The following LRRC9 variants were observed in gnomAD, a reference collection of about 807,000 sequenced individuals.
The protein encoded by LRRC9 is leucine-rich repeat-containing protein 9.
LRRC9 carries 122 observed loss-of-function variants against 63.2 expected under a neutral mutation model. The observed-to-expected ratio is 1.93, with a 90% CI of 1.67 to 2.24. The LOEUF (loss-of-function observed/expected upper bound fraction) is 2.24, where lower values mean the gene tolerates loss of function less well. LRRC9 is among the 30% of genes most tolerant of loss of function. The probability of loss-of-function intolerance (pLI) is 0.00; values close to 1 mark genes in which losing one functional copy is unlikely to be tolerated. For missense variants in LRRC9, 1,071 were observed against 627.7 expected (o/e 1.71, Z -7.55); for synonymous variants, 366 against 213.1 (o/e 1.72, Z -6.25).
chr14:60,043,796 T>C (rs1019677526), intron 29 of LRRC9, among the ~76,000 whole-genome samples: 23 of 142,768 alleles, frequency 1.6e-4, no homozygotes, highest in Non-Finnish European at 3.0e-4. Context: ...TTTGTTTTGG[T>C]ATCAGGGTAA....
At position 59,975,164 on chromosome 14, in the gene LRRC9, T is replaced by C. The variant is rs1306595241; in HGVS notation, c.1639+456T>C. 8.1e-5 allele frequency among the ~76,000 whole-genome samples: 4 copies of C among 49,548 alleles called. 1 individual carries two copies. The highest frequency in any genetic ancestry group is 2.8e-4 in the Admixed American group (1 of 3,604). The allele number at this position is 49,548 out of a possible 152,430, so 32.5% of individuals were successfully genotyped here. ...ACATATATATATGTATATATATATA[T>C]GTATATATATATACACTACACACAC... On this transcript the variant is annotated intron_variant, in intron 13 of 31. Transcript: ENST00000445360.
At chr14:59,929,265 A>G (rs995757247) in intron 3 of LRRC9, among the ~76,000 whole-genome samples, 1 of 152,196 alleles carries the variant, frequency 6.6e-6, no homozygotes, top group African/African-American at 2.4e-5. Context: ...GGCAAAGGAC[A>G]TGAACAGACA....
chr14:60,010,068 G>T (rs1263893035), intron 23 of LRRC9, among the ~76,000 whole-genome samples: 2 of 152,174 alleles, frequency 1.3e-5, no homozygotes, highest in Non-Finnish European at 1.5e-5. Flanking sequence ...CAAGCTGTGG[G>T]TGGATCTACC....
intron 31 of LRRC9, among the ~76,000 whole-genome samples, 172 bp from the exon 32 acceptor site, chr14:60,061,839 A>C (rs1894674730): frequency 1.3e-5 from 2 of 152,256 alleles, no homozygotes; most frequent in Non-Finnish European, 2.9e-5. Flanking sequence ...AGTGCTAAAA[A>C]TACATTATAA....
chr14:59,955,833 C>A (rs1018206989), intron 8 of LRRC9, among the ~76,000 whole-genome samples: 1 of 152,046 alleles, frequency 6.6e-6, no homozygotes. Flanking sequence ...GATTCTGGTA[C>A]GTTGTCTCTT....
chr14:59,993,250 C>CA (rs1279838664), intron 17 of LRRC9, among the ~76,000 whole-genome samples: 1 of 152,102 alleles, frequency 6.6e-6, no homozygotes, highest in Non-Finnish European at 1.5e-5. Flanking sequence ...ACCTTACAGA[C>CA]AAGTAAATGC....
In LRRC9 at chr14:59,959,990, CAT is replaced by C. The variant is rs1309902219; in HGVS notation, c.1056_1057del (p.Phe353LeufsTer7). The C allele has an allele frequency of 1.5e-6, 1 of 671,358 alleles. No homozygotes were observed. The highest frequency in any genetic ancestry group is 2.4e-5 in the Admixed American group (1 of 42,064). The allele number at this position is 671,358 out of a possible 1,614,324, so 41.6% of individuals were successfully genotyped here. Reference sequence around the variant, plus strand: ...CTAAATGCCTTGAATGAAAGGGTAACATTCTGGAACAAAAAACTAGATGAGTA... The same window carrying C: ...CTAAATGCCTTGAATGAAAGGGTAACTCTGGAACAAAAAACTAGATGAGTA... On this transcript the variant is annotated frameshift_variant, in exon 9 of 32. Transcript: ENST00000445360. LOFTEE classifies it high-confidence loss of function.
chr14:59,945,448 T>C (rs1242749126), intron 8 of LRRC9, among the ~76,000 whole-genome samples: 1 of 151,536 alleles, frequency 6.6e-6, no homozygotes, highest in Non-Finnish European at 1.5e-5. Flanking sequence ...CTTTACCAAA[T>C]GTAAATACCA....
At chr14:59,948,321 G>A (rs1391011105) in intron 8 of LRRC9, among the ~76,000 whole-genome samples, 5 of 143,230 alleles carry the variant, frequency 3.5e-5, no homozygotes, top group Non-Finnish European at 4.5e-5. Flanking sequence ...TCTGTTGTTG[G>A]TGTATAGGAA....
chr14:59,949,853 T>C (rs1882921415), intron 8 of LRRC9, among the ~76,000 whole-genome samples: 1 of 138,018 alleles, frequency 7.2e-6, no homozygotes, highest in Non-Finnish European at 1.5e-5. Context: ...TGCACTGTGG[T>C]CTGAGAGATA....
chr14:60,038,563 T>C (rs1230754624), intron 29 of LRRC9, among the ~76,000 whole-genome samples: 1 of 152,192 alleles, frequency 6.6e-6, no homozygotes, highest in Non-Finnish European at 1.5e-5. Flanking sequence ...TTTGGCTCTC[T>C]GTTTATCTGT....
intron 7 of LRRC9, among the ~76,000 whole-genome samples, chr14:59,941,562 C>T (rs1187246974): frequency 6.6e-6 from 1 of 151,662 alleles, no homozygotes; most frequent in Non-Finnish European, 1.5e-5. Context: ...TATATTAAAA[C>T]ATTATTTGTT....
chr14:60,025,067 TG>T (rs909064203), intron 27 of LRRC9, among the ~76,000 whole-genome samples: 1 of 151,368 alleles, frequency 6.6e-6, no homozygotes, highest in African/African-American at 2.4e-5. Flanking sequence ...TTTTTGTTTT[TG>T]GTTTTTTTTT....
At chr14:59,975,034 C>CATATATATATATATATATAT (rs369719892) in intron 13 of LRRC9, among the ~76,000 whole-genome samples, 9 of 81,040 alleles carry the variant, frequency 1.1e-4, no homozygotes, top group Non-Finnish European at 1.9e-4. Context: ...TGTGTCACAG[C>CATATATATATATATATATAT]ATATATATAT....
At chr14:59,947,019 T>C (rs1421359098) in intron 8 of LRRC9, among the ~76,000 whole-genome samples, 2 of 148,070 alleles carry the variant, frequency 1.4e-5, no homozygotes, top group African/African-American at 2.5e-5. Context: ...TGGGTATATA[T>C]CCAGTAATGG....
rs551505295 is a variant in LRRC9 at position 59,923,455 on chromosome 14, A to G, written c.-34+3572A>G. ...TTCTTGAGGATGACTCAAAACTGTA[A>G]TATGGAAGTTCTCCCTAAATTAATC... is the stretch of plus-strand genomic sequence containing the variant. On this transcript the variant is annotated intron_variant, in intron 1 of 31. Coordinates refer to ENST00000445360, the Ensembl canonical transcript of LRRC9. This position sits in a 1 kb window ranked among gnomAD's most constrained non-coding sequence, Gnocchi z 4.2. 6.6e-6 allele frequency among the ~76,000 whole-genome samples: 1 copy of G among 152,324 alleles called. No individual in the cohort carries two copies. The highest frequency in any genetic ancestry group is 2.1e-4 in the South Asian group (1 of 4,824).
intron 29 of LRRC9, among the ~76,000 whole-genome samples, chr14:60,048,548 G>C (rs1286624480): frequency 6.6e-6 from 1 of 152,016 alleles, no homozygotes; most frequent in East Asian, 1.9e-4. Context: ...AGAAGAAATG[G>C]ATAAATTCCT....
intron 6 of LRRC9, among the ~76,000 whole-genome samples, chr14:59,935,725 G>T (rs909554626): frequency 6.6e-6 from 1 of 152,196 alleles, no homozygotes; most frequent in Non-Finnish European, 1.5e-5. Context: ...GATATCAGAC[G>T]TGAGTAGGAG....
At chr14:59,992,569 T>C (rs1888269296) in intron 17 of LRRC9, among the ~76,000 whole-genome samples, 1 of 151,954 alleles carries the variant, frequency 6.6e-6, no homozygotes, top group Non-Finnish European at 1.5e-5. Context: ...GAAAAAAAAT[T>C]AGACGAATGG....
Sources: allele counts gnomAD v4.1 joint callset (sites outside exome capture counted in the v4.1 genomes callset), GRCh38; gene constraint gnomAD v4.1.1; non-coding constraint Gnocchi (gnomAD v3.1); transcripts MANE v1.5; gene names NCBI Gene and HGNC (gene_info 2026-07-23, HGNC 2026-07-21).